The following ANKRD46 variants were observed in gnomAD, a reference collection of about 807,000 sequenced individuals.
The protein encoded by ANKRD46 is ankyrin repeat domain-containing protein 46.
In ANKRD46, 13 loss-of-function variants were observed where a neutral mutation model predicts 19.8. The ratio of observed to expected loss-of-function variants is 0.66; its 90% confidence interval spans 0.43 to 1.04. The LOEUF (loss-of-function observed/expected upper bound fraction) is 1.04, where lower values mean the gene tolerates loss of function less well. ANKRD46 is among the 50% of genes least tolerant of loss of function. The probability of loss-of-function intolerance (pLI) is 0.00; values close to 1 mark genes in which losing one functional copy is unlikely to be tolerated. For missense variants in ANKRD46, 185 were observed against 274.8 expected (o/e 0.67, Z 2.31); for synonymous variants, 91 against 106.9 (o/e 0.85, Z 0.92).
Position 100,534,123 on chromosome 8 carries a change from A to G in ANKRD46, c.-130-812T>C, listed in dbSNP as rs950038565. ...TACCATGCTATCAAGTCCAAATCCC[A>G]AATTCCTGGTCAGGGTGAAATACAG... is the stretch of plus-strand genomic sequence containing the variant. On this transcript the variant is annotated intron_variant, in intron 1 of 4. Coordinates refer to ENST00000335659, the MANE Select transcript of ANKRD46 (RefSeq NM_001270377.2). The surrounding 1 kb of genome is among the most constrained non-coding windows in gnomAD (Gnocchi z 4.2). 1.3e-5 allele frequency among the ~76,000 whole-genome samples: 2 copies of G among 152,210 alleles called. No individual in the cohort carries two copies. The highest frequency in any genetic ancestry group is 2.9e-5 in the Non-Finnish European group (2 of 68,026).
chr8:100,530,008 T>A, intron 2 of ANKRD46, 148 bp from the exon 3 acceptor site: 1 of 587,408 alleles, frequency 1.7e-6, no homozygotes. Flanking sequence ...AAGTTATCAA[T>A]TGTATTTTAT....
chr8:100,515,990 A>T (rs772074689), downstream of ANKRD46, among the ~76,000 whole-genome samples: 8 of 151,796 alleles, frequency 5.3e-5, no homozygotes, highest in African/African-American at 9.7e-5. Context: ...CTCCTGCCTC[A>T]GCCTTTCAAG....
chr8:100,552,423 T>C (rs1812412763), intron 1 of ANKRD46, among the ~76,000 whole-genome samples: 1 of 151,268 alleles, frequency 6.6e-6, no homozygotes. Context: ...TGCCCAAACA[T>C]GAATTTAATA....
chr8:100,541,984 T>A (rs919567752), intron 1 of ANKRD46, among the ~76,000 whole-genome samples: 24 of 152,282 alleles, frequency 1.6e-4, no homozygotes, highest in African/African-American at 5.1e-4. Flanking sequence ...TATCTAGGTT[T>A]GGGTAGTAAG....
chr8:100,518,868 TA>T (rs1244211351), downstream of ANKRD46, among the ~76,000 whole-genome samples: 3 of 49,820 alleles, frequency 6.0e-5, no homozygotes, highest in African/African-American at 1.4e-4. Flanking sequence ...AAAAAATAAA[TA>T]AAATAAAAAA....
rs1812205196 is a variant in ANKRD46, at chr8:100,543,055, T to C, written c.-130-9744A>G. 6.6e-6 allele frequency among the ~76,000 whole-genome samples: 1 copy of C among 152,108 alleles called. No homozygotes were observed. Among genetic ancestry groups the C allele is most frequent in the Admixed American group, 6.6e-5 (1 of 15,260 alleles). On this transcript the variant is annotated intron_variant, in intron 1 of 4. Coordinates refer to ENST00000335659, the MANE Select transcript of ANKRD46 (RefSeq NM_001270377.2). The surrounding 1 kb of genome is among the most constrained non-coding windows in gnomAD (Gnocchi z 4.2). Reference sequence around the variant, plus strand: ...AGAAACGGGAAAAGAAGATGACAAGTTCCTATATCAGTTTCCCATGGAGCT... The same window carrying C: ...AGAAACGGGAAAAGAAGATGACAAGCTCCTATATCAGTTTCCCATGGAGCT...
chr8:100,515,064 C>G (rs913449888), intron 5 of ANKRD46, among the ~76,000 whole-genome samples: 14 of 152,134 alleles, frequency 9.2e-5, no homozygotes, highest in African/African-American at 2.9e-4. Flanking sequence ...CTCTGGCACA[C>G]TGGAGAACCA....
intron 4 of ANKRD46, among the ~76,000 whole-genome samples, chr8:100,526,482 G>A (rs1014655391): frequency 6.6e-6 from 1 of 152,176 alleles, no homozygotes; most frequent in Non-Finnish European, 1.5e-5. Flanking sequence ...TATTGTTAAA[G>A]TGCTTATGCC....
chr8:100,525,405 C>T lies in ANKRD46; in HGVS notation c.470+2440G>A, dbSNP rs1586782517. On this transcript the variant is annotated intron_variant, in intron 4 of 4. Transcript: ENST00000335659. This position sits in a 1 kb window ranked among gnomAD's most constrained non-coding sequence, Gnocchi z 4.4. ...AACTCTGTACCTATTAGCAGTCACT[C>T]CCATTGCCCCTTCTCCCAGCTTCTA... Among the ~76,000 whole-genome samples, 2 of 152,174 alleles carry T rather than the reference C, an allele frequency of 1.3e-5. No homozygotes were observed. Among genetic ancestry groups the T allele is most frequent in the African/African-American group, 4.8e-5 (2 of 41,452 alleles).
chr8:100,510,690 T>G lies in ANKRD46; in HGVS notation c.637-51A>C. The stretch of plus-strand genomic sequence containing the variant: ...AAAAAAAAAAAAAATCCCAGTTCTG[T>G]TAAGCTGCAGAGATGTGCCAGGACC... On this transcript the variant is annotated intron_variant, in intron 5 of 5. Transcript: ENST00000520552. This position sits in a 1 kb window ranked among gnomAD's most constrained non-coding sequence, Gnocchi z 4.9. 2 of 1,457,942 alleles carry G rather than the reference T, an allele frequency of 1.4e-6. No homozygotes were observed. The highest frequency in any genetic ancestry group is 2.5e-5 in the South Asian group (2 of 81,040). 90.3% of individuals were successfully genotyped at this position (1,457,942 alleles called of 1,614,324 possible). A position where few individuals can be genotyped will look rare whatever the true frequency, so the allele number is the denominator to read the frequency against.
chr8:100,519,890 G>C (rs964430491), downstream of ANKRD46, among the ~76,000 whole-genome samples: 4 of 152,136 alleles, frequency 2.6e-5, no homozygotes, highest in African/African-American at 9.7e-5. Context: ...AACCTGAAAA[G>C]AAAAAATATA....
rs1394606568 is a variant in ANKRD46, at chr8:100,511,272, A to G, written c.637-633T>C. Among the ~76,000 whole-genome samples the G allele has an allele frequency of 1.3e-5, 2 of 152,232 alleles. No homozygotes were observed. The highest frequency in any genetic ancestry group is 2.9e-5 in the Non-Finnish European group (2 of 68,046). On this transcript the variant is annotated intron_variant, in intron 5 of 5. Coordinates refer to the ANKRD46 transcript ENST00000520552. The surrounding 1 kb of genome is among the most constrained non-coding windows in gnomAD (Gnocchi z 4.1). Reference sequence around the variant, plus strand: ...GTAACCTGCCCACTGACACTCCATCATAGTGTAGGCTGGGGATCCAAACCC... The same window carrying G: ...GTAACCTGCCCACTGACACTCCATCGTAGTGTAGGCTGGGGATCCAAACCC...
Position 100,550,951 on chromosome 8 carries a change from G to T in ANKRD46, c.-131+8760C>A. 1 of 596,134 alleles carries T rather than the reference G, an allele frequency of 1.7e-6. No homozygotes were observed. Among genetic ancestry groups the T allele is most frequent in the Admixed American group, 2.0e-5 (1 of 49,806 alleles). 36.9% of individuals were successfully genotyped at this position (596,134 alleles called of 1,614,324 possible). A position where few individuals can be genotyped will look rare whatever the true frequency, so the allele number is the denominator to read the frequency against. On this transcript the variant is annotated intron_variant, in intron 1 of 4. Transcript: ENST00000335659. The surrounding 1 kb of genome is among the most constrained non-coding windows in gnomAD (Gnocchi z 4.4). ...ACGCCTGCTTCACCACCTTTTTGATGTCATCATATTTGGCAGGTTTCTCCA... is the reference window on the plus strand; with the variant it reads ...ACGCCTGCTTCACCACCTTTTTGATTTCATCATATTTGGCAGGTTTCTCCA...
In ANKRD46 at chr8:100,511,886, G is replaced by C. The variant is rs1344024923; in HGVS notation, c.637-1247C>G. Among the ~76,000 whole-genome samples, 1 of 152,190 alleles carries C rather than the reference G, an allele frequency of 6.6e-6. No homozygotes were observed. Among genetic ancestry groups the C allele is most frequent in the Non-Finnish European group, 1.5e-5 (1 of 68,040 alleles). On this transcript the variant is annotated intron_variant, in intron 5 of 5. Transcript: ENST00000520552. This position sits in a 1 kb window ranked among gnomAD's most constrained non-coding sequence, Gnocchi z 4.1. ...CTAAAAATACAAAAATTAGCTGGGT[G>C]GGGTGGTGCATGCCTGTAACCCCAG...
At position 100,521,496 on chromosome 8, in the gene ANKRD46, C is replaced by T. The variant is rs553645969; in HGVS notation, c.*1059G>A. The T allele has an allele frequency of 1.3e-4, 131 of 985,382 alleles. 1 individual carries two copies. The Middle Eastern group carries it at 1.6e-3, about 12-fold the overall frequency. The allele number at this position is 985,382 out of a possible 1,614,324, so 61.0% of individuals were successfully genotyped here. On this transcript the variant is annotated 3_prime_UTR_variant, in exon 5 of 5. Coordinates refer to ENST00000335659, the MANE Select transcript of ANKRD46 (RefSeq NM_001270377.2). ...CAGATTTCAATTTACATAATATTAC[C>T]ATTCATAAAGAGTTTATGACACCCA...
At chr8:100,547,926 T>C (rs548246815) in intron 1 of ANKRD46, among the ~76,000 whole-genome samples, 7 of 152,356 alleles carry the variant, frequency 4.6e-5, no homozygotes, top group African/African-American at 1.4e-4. Context: ...TCATTCTCTC[T>C]TCTGTCACCC....
intron 1 of ANKRD46, among the ~76,000 whole-genome samples, chr8:100,558,044 G>A (rs1196085722): frequency 1.3e-5 from 2 of 152,288 alleles, no homozygotes; most frequent in East Asian, 1.9e-4. Context: ...ATCCCCCAGT[G>A]CTTAGAACAG....
chr8:100,547,882 G>T, intron 1 of ANKRD46, among the ~76,000 whole-genome samples: 1 of 152,264 alleles, frequency 6.6e-6, no homozygotes, highest in East Asian at 1.9e-4. Context: ...TATACATGAA[G>T]TTTTCCAATG....
At position 100,510,419 on chromosome 8, in the gene ANKRD46, G is replaced by T; in HGVS notation, c.*158C>A. On this transcript the variant is annotated 3_prime_UTR_variant, in exon 6 of 6. Coordinates refer to the ANKRD46 transcript ENST00000520552. The surrounding 1 kb of genome is among the most constrained non-coding windows in gnomAD (Gnocchi z 4.9). ...CAGGACTGGAGAGGAGGGGACAGGT[G>T]GTAGCAGGTCCCTCTGCCTCCTAAC... 1 of 608,552 alleles carries T rather than the reference G, an allele frequency of 1.6e-6. No homozygotes were observed. The highest frequency in any genetic ancestry group is 2.7e-6 in the Non-Finnish European group (1 of 377,318). The allele number at this position is 608,552 out of a possible 1,614,324, so 37.7% of individuals were successfully genotyped here.
Sources: allele counts gnomAD v4.1 joint callset (sites outside exome capture counted in the v4.1 genomes callset), GRCh38; gene constraint gnomAD v4.1.1; non-coding constraint Gnocchi (gnomAD v3.1); transcripts MANE v1.5; gene names NCBI Gene and HGNC (gene_info 2026-07-23, HGNC 2026-07-21).